The following SLC9D1 variants were observed in gnomAD, a reference collection of about 807,000 sequenced individuals.
SLC9D1 encodes putative LAG1-interacting protein.
the SLC9D1 span, among the ~76,000 whole-genome samples, chr13:113,540,990 T>C: frequency 6.6e-6 from 1 of 152,176 alleles, no homozygotes. Flanking sequence ...CTGGTGCTTG[T>C]TATCGTAGGC....
the SLC9D1 span, among the ~76,000 whole-genome samples, chr13:113,525,976 CGACAGCTCTGTGCCGGTTATTCTAG>C: frequency 6.6e-6 from 1 of 151,108 alleles, no homozygotes; most frequent in African/African-American, 2.4e-5. Context: ...TCGTAGGAGA[CGACAGCTCTGTGCCGGTTATTCTAG>C]AAGAAGCCGT....
At chr13:113,537,414 G>A in the SLC9D1 span, among the ~76,000 whole-genome samples, 1 of 152,226 alleles carries the variant, frequency 6.6e-6, no homozygotes, top group African/African-American at 2.4e-5. Context: ...TTCCGTGTCT[G>A]GCTTCCACTT....
chr13:113,516,626 T>C, the SLC9D1 span, among the ~76,000 whole-genome samples: 922 of 151,980 alleles, frequency 6.1e-3, 8 homozygotes, highest in African/African-American at 0.021. Context: ...CTTAAGACTG[T>C]CTCACCAGAG....
chr13:113,500,317 C>CT, the SLC9D1 span, among the ~76,000 whole-genome samples: 2 of 152,128 alleles, frequency 1.3e-5, no homozygotes, highest in East Asian at 1.9e-4. Flanking sequence ...AATTTCTAAT[C>CT]TTTTTTTCTA....
the SLC9D1 span, among the ~76,000 whole-genome samples, chr13:113,497,588 C>A: frequency 1.1e-4 from 16 of 147,720 alleles, no homozygotes; most frequent in Admixed American, 1.1e-3. Flanking sequence ...GTGAGACCTG[C>A]AGCTGTGTGA....
chr13:113,492,145 A>C, the SLC9D1 span, among the ~76,000 whole-genome samples: 1 of 151,860 alleles, frequency 6.6e-6, no homozygotes, highest in African/African-American at 2.4e-5. Flanking sequence ...CCGGCTAATT[A>C]TTTCATTTTT....
the SLC9D1 span, among the ~76,000 whole-genome samples, chr13:113,513,196 A>G: frequency 6.6e-6 from 1 of 152,146 alleles, no homozygotes; most frequent in South Asian, 2.1e-4. Flanking sequence ...AGATGGTGGG[A>G]GATAGCGGAT....
At chr13:113,520,519 A>G in the SLC9D1 span, 2 of 812,560 alleles carry the variant, frequency 2.5e-6, no homozygotes, top group South Asian at 4.2e-5. Context: ...TGCCAAAATA[A>G]TTTGAGTTAT....
chr13:113,530,553 C>T, the SLC9D1 span: 2 of 151,986 alleles, frequency 1.3e-5, no homozygotes, highest in African/African-American at 4.8e-5. Flanking sequence ...GGAAAACCTC[C>T]CTTTCAATTT....
At chr13:113,520,169 G>C in the SLC9D1 span, among the ~76,000 whole-genome samples, 16 of 152,182 alleles carry the variant, frequency 1.1e-4, no homozygotes, top group African/African-American at 3.1e-4. Flanking sequence ...TTCTCAAAGA[G>C]ATTTTAAAGT....
chr13:113,533,809 G>T, the SLC9D1 span, among the ~76,000 whole-genome samples: 1 of 152,180 alleles, frequency 6.6e-6, no homozygotes, highest in African/African-American at 2.4e-5. Context: ...TCTAGAATAC[G>T]CATTCACCCC....
the SLC9D1 span, chr13:113,534,488 C>A: frequency 3.9e-6 from 2 of 512,192 alleles, no homozygotes; most frequent in Non-Finnish European, 6.8e-6. Flanking sequence ...GTGAGTATTT[C>A]ATTAAAAACA....
the SLC9D1 span, among the ~76,000 whole-genome samples, chr13:113,542,553 CAG>C: frequency 6.6e-6 from 1 of 152,234 alleles, no homozygotes; most frequent in Non-Finnish European, 1.5e-5. Flanking sequence ...ACTAACATGT[CAG>C]TGGCAAATTT....
chr13:113,503,626 C>CTTCA, the SLC9D1 span: 9 of 1,378,580 alleles, frequency 6.5e-6, no homozygotes, highest in Non-Finnish European at 9.3e-6. Context: ...AGCTAAGGAG[C>CTTCA]TTCACATCAT....
the SLC9D1 span, among the ~76,000 whole-genome samples, chr13:113,518,102 A>G: frequency 6.6e-6 from 1 of 152,268 alleles, no homozygotes; most frequent in Non-Finnish European, 1.5e-5. Context: ...AGTGATAAGC[A>G]CAAAAAGGTA....
chr13:113,512,437 A>G, the SLC9D1 span, among the ~76,000 whole-genome samples: 1 of 148,062 alleles, frequency 6.8e-6, no homozygotes, highest in Admixed American at 6.7e-5. Flanking sequence ...GGGTCAGTAT[A>G]TATAGACTCA....
the SLC9D1 span, among the ~76,000 whole-genome samples, chr13:113,525,602 ATCG>A: frequency 2.3e-5 from 2 of 86,442 alleles, no homozygotes; most frequent in African/African-American, 1.1e-4. Context: ...AGAACAAGCC[ATCG>A]TCATCATAGC....
the SLC9D1 span, chr13:113,514,524 CGA>C: frequency 1.5e-5 from 2 of 134,678 alleles, 1 homozygote; most frequent in African/African-American, 6.3e-5. Flanking sequence ...TGTTTTAGAC[CGA>C]GTCTTGCAAC....
chr13:113,532,067 C>T, the SLC9D1 span, among the ~76,000 whole-genome samples: 1 of 152,204 alleles, frequency 6.6e-6, no homozygotes, highest in Admixed American at 6.5e-5. Flanking sequence ...TCGTACAGCT[C>T]TTACCAGGCT....
Sources: allele counts gnomAD v4.1 joint callset (sites outside exome capture counted in the v4.1 genomes callset), GRCh38; gene constraint gnomAD v4.1.1; transcripts MANE v1.5; gene names NCBI Gene and HGNC (gene_info 2026-07-23, HGNC 2026-07-21).